The following ERG variants were observed in gnomAD, a reference collection of about 807,000 sequenced individuals.
The protein encoded by ERG is ETS transcription factor ERG, also known as transcriptional regulator ERG.
A neutral mutation model predicts 55.3 loss-of-function variants in ERG; 9 were observed. The observed-to-expected ratio is 0.16, with a 90% CI of 0.10 to 0.28. ERG has a LOEUF of 0.28. Among genes scored for constraint, ERG ranks in the 10% least tolerant of loss-of-function variants. The pLI, the probability that ERG is intolerant of heterozygous loss-of-function variation, is 1.00. For synonymous variants in ERG, 223 were observed against 237.3 expected (o/e 0.94, Z 0.55); for missense variants, 434 against 631.6 (o/e 0.69, Z 3.35).
At chr21:38,540,395 CT>C (rs1204073524) in intron 2 of ERG, among the ~76,000 whole-genome samples, 1 of 152,186 alleles carries the variant, frequency 6.6e-6, no homozygotes, top group African/African-American at 2.4e-5. Flanking sequence ...CACATCACCC[CT>C]CTTCCTAGTC....
At chr21:38,406,573 T>C (rs1988784078) in intron 3 of ERG, among the ~76,000 whole-genome samples, 1 of 152,212 alleles carries the variant, frequency 6.6e-6, no homozygotes, top group African/African-American at 2.4e-5. Flanking sequence ...ACCCAAGTCA[T>C]TCCCTGTAAG....
chr21:38,541,099 T>C (rs1294997302), intron 2 of ERG, among the ~76,000 whole-genome samples: 1 of 152,212 alleles, frequency 6.6e-6, no homozygotes, highest in Non-Finnish European at 1.5e-5. Flanking sequence ...GGTACGTCTA[T>C]CTGGCCTTCC....
At chr21:38,402,498 G>T in intron 5 of ERG, 59 bp downstream of exon 5, 1 of 1,315,378 alleles carries the variant, frequency 7.6e-7, no homozygotes, top group Non-Finnish European at 1.1e-6. Flanking sequence ...ATGAAAGCAT[G>T]CAACCTGTAC....
intron 2 of ERG, among the ~76,000 whole-genome samples, chr21:38,533,294 C>T (rs982669121): frequency 1.9e-4 from 29 of 152,318 alleles, no homozygotes; most frequent in Non-Finnish European, 2.2e-4. Context: ...TATGTAAATA[C>T]AAAGACGACA....
At chr21:38,615,907 T>C (rs1261261643) in intron 1 of ERG, among the ~76,000 whole-genome samples, 1 of 152,016 alleles carries the variant, frequency 6.6e-6, no homozygotes, top group African/African-American at 2.4e-5. Context: ...CAACAGCTTC[T>C]CTCTGGTTCA....
intron 2 of ERG, among the ~76,000 whole-genome samples, chr21:38,562,448 G>T (rs1308389351): frequency 6.6e-6 from 1 of 152,110 alleles, no homozygotes; most frequent in Non-Finnish European, 1.5e-5. Flanking sequence ...AGCAGAACCA[G>T]CAGCACCTGG....
At chr21:38,511,468 G>C (rs1174490980) in intron 2 of ERG, among the ~76,000 whole-genome samples, 1 of 152,126 alleles carries the variant, frequency 6.6e-6, no homozygotes. Flanking sequence ...AAATTAGACT[G>C]CACATATGTA....
At chr21:38,471,682 C>A (rs926018024) in intron 1 of ERG, 1 of 152,132 alleles carries the variant, frequency 6.6e-6, no homozygotes, top group African/African-American at 2.4e-5. Context: ...CAAATCATTG[C>A]TTAATTTTGT....
At chr21:38,632,568 T>C (rs2146959058) in intron 1 of ERG, among the ~76,000 whole-genome samples, 1 of 152,310 alleles carries the variant, frequency 6.6e-6, no homozygotes, top group Non-Finnish European at 1.5e-5. Context: ...TGAATAAGTC[T>C]CACGAGATTT....
At position 38,486,239 on chromosome 21, in the gene ERG, G is replaced by A. The variant is rs562505809; in HGVS notation, c.18+12124C>T. On this transcript the variant is annotated intron_variant, in intron 1 of 9. Coordinates refer to ENST00000288319, the MANE Select transcript of ERG (RefSeq NM_182918.4). ...TGAGCCACCGCACCTGGCCTCTACT[G>A]CATTATTACTATACCTTTCCCACAT... Among the ~76,000 whole-genome samples the A allele has an allele frequency of 2.6e-5, 4 of 152,160 alleles. No homozygotes were observed. In the South Asian group the frequency reaches 8.3e-4, roughly 32 times the overall value.
rs529746060 is a variant in ERG at position 38,431,010 on chromosome 21, T to G, written c.237-7449A>C. On this transcript the variant is annotated intron_variant, in intron 2 of 9. Coordinates refer to ENST00000288319, the MANE Select transcript of ERG (RefSeq NM_182918.4). ...GTCCTTCTTCTAGTAACTGGAGACG[T>G]GCCCAATGAAACTGGCTTGTTGAGC... Among the ~76,000 whole-genome samples, 8 of 152,330 alleles carry G rather than the reference T, an allele frequency of 5.3e-5. No individual in the cohort carries two copies. The South Asian group carries it at 1.4e-3, about 28-fold the overall frequency.
Position 38,380,627 on chromosome 21 carries a change from C to A in ERG, c.*2776G>T. On this transcript the variant is annotated 3_prime_UTR_variant, in exon 10 of 10. Transcript: ENST00000288319. ...TGGAGGGGGCTTTGGAATTAGATTA[C>A]AACAGTAACAGAGAGTTAATGCCAT... is the stretch of plus-strand genomic sequence containing the variant. 4.7e-6 allele frequency: 5 copies of A among 1,065,212 alleles called. No individual in the cohort carries two copies. The highest frequency in any genetic ancestry group is 5.7e-6 in the Non-Finnish European group (5 of 879,276). The allele number at this position is 1,065,212 out of a possible 1,614,324, so 66.0% of individuals were successfully genotyped here.
the ERG span, among the ~76,000 whole-genome samples, chr21:38,369,440 C>A: frequency 3.3e-5 from 5 of 152,136 alleles, no homozygotes; most frequent in Non-Finnish European, 5.9e-5. Context: ...CTGTTCATGA[C>A]CTTTGCTCAC....
At chr21:38,607,041 GAGAAT>G (rs1428555106) in intron 1 of ERG, among the ~76,000 whole-genome samples, 3 of 152,090 alleles carry the variant, frequency 2.0e-5, no homozygotes, top group African/African-American at 7.2e-5. Flanking sequence ...AAAGTGACCA[GAGAAT>G]AGAATAAAGA....
At chr21:38,414,764 T>G (rs1251921992) in intron 3 of ERG, among the ~76,000 whole-genome samples, 1 of 152,084 alleles carries the variant, frequency 6.6e-6, no homozygotes, top group Non-Finnish European at 1.5e-5. Flanking sequence ...CTGACAGGTG[T>G]CCCAGAAGCA....
intron 2 of ERG, among the ~76,000 whole-genome samples, chr21:38,526,228 A>G (rs568625524): frequency 7.2e-5 from 11 of 152,328 alleles, no homozygotes; most frequent in African/African-American, 2.2e-4. Context: ...AGTGGACTAA[A>G]TTCTTTAGAA....
intron 1 of ERG, among the ~76,000 whole-genome samples, chr21:38,495,193 AT>A (rs1050801791): frequency 9.5e-4 from 145 of 152,246 alleles, no homozygotes; most frequent in African/African-American, 3.4e-3. Flanking sequence ...CTTAGTCTTA[AT>A]TAAGTTTCCC....
intron 3 of ERG, among the ~76,000 whole-genome samples, chr21:38,409,596 C>A (rs1988947469): frequency 6.6e-6 from 1 of 150,926 alleles, no homozygotes; most frequent in African/African-American, 2.4e-5. Flanking sequence ...GGAGAGTGAA[C>A]TTGGATTAAC....
At chr21:38,476,425 C>CT (rs1360757756) in intron 1 of ERG, among the ~76,000 whole-genome samples, 1 of 152,144 alleles carries the variant, frequency 6.6e-6, no homozygotes, top group African/African-American at 2.4e-5. Context: ...TAAAGATGTT[C>CT]CCTGAGATAC....
Sources: allele counts gnomAD v4.1 joint callset (sites outside exome capture counted in the v4.1 genomes callset), GRCh38; gene constraint gnomAD v4.1.1; transcripts MANE v1.5; gene names NCBI Gene and HGNC (gene_info 2026-07-23, HGNC 2026-07-21).